Variants in CDYL observed in about 807,000 individuals in gnomAD.
The protein encoded by CDYL is chromodomain Y like.
CDYL carries 8 observed loss-of-function variants against 47.3 expected under a neutral mutation model. The ratio of observed to expected loss-of-function variants is 0.17; its 90% CI spans 0.10 to 0.31. CDYL has a LOEUF of 0.31. Ranked by LOEUF, CDYL falls within the 10% of genes least tolerant of loss-of-function variation. CDYL has a pLI of 1.00. For synonymous variants in CDYL, 266 were observed against 265.0 expected, an observed-to-expected ratio of 1.00 and a Z score of -0.04; for missense variants, 471 against 701.4, an observed-to-expected ratio of 0.67 and a Z score of 3.71.
upstream of CDYL, chr6:4,772,977 G>C (rs1187540687): frequency 2.7e-6 from 1 of 375,178 alleles, no homozygotes; most frequent in African/African-American, 2.1e-5. Context: ...AGGAAGACAT[G>C]CCTGGTTTGG....
intron 1 of CDYL, among the ~76,000 whole-genome samples, chr6:4,808,549 T>TGTA (rs946393300): frequency 2.0e-5 from 3 of 152,222 alleles, no homozygotes; most frequent in African/African-American, 7.2e-5. Flanking sequence ...GCCAGTGAAC[T>TGTA]GTAGCCCATG....
chr6:4,745,182 A>G (rs1040157569), intron 3 of CDYL, among the ~76,000 whole-genome samples: 1 of 152,118 alleles, frequency 6.6e-6, no homozygotes, highest in South Asian at 2.1e-4. Flanking sequence ...CTGGTCTTGA[A>G]TTACTGGCTT....
At position 4,763,170 on chromosome 6, in the gene CDYL, A is replaced by G. The variant is rs796850312; in HGVS notation, c.186+28326A>G. Among the ~76,000 whole-genome samples the G allele has an allele frequency of 1.1e-4, 16 of 152,352 alleles. No individual in the cohort carries two copies. In the South Asian group the frequency reaches 1.2e-3, roughly 12 times the overall value. On this transcript the variant is annotated intron_variant, in intron 3 of 8. Transcript: ENST00000328908. Reference sequence around the variant, plus strand: ...GTAAGAAAATTGCCACTGAAATTCTATACCAGCTGATATAGCCTTCCATAA... The same window carrying G: ...GTAAGAAAATTGCCACTGAAATTCTGTACCAGCTGATATAGCCTTCCATAA...
At chr6:4,877,513 G>A (rs1033213560) in intron 1 of CDYL, among the ~76,000 whole-genome samples, 67 of 152,066 alleles carry the variant, frequency 4.4e-4, no homozygotes, top group African/African-American at 1.4e-3. Context: ...TGTGTATATC[G>A]TAGTTTGTGG....
chr6:4,904,763 G>C (rs565097330), intron 2 of CDYL, among the ~76,000 whole-genome samples: 164 of 152,270 alleles, frequency 1.1e-3, no homozygotes, highest in African/African-American at 3.8e-3. Flanking sequence ...GAGAGGGAGC[G>C]TGTTGCCAGG....
At chr6:4,950,703 C>T (rs1052880004) in intron 5 of CDYL, among the ~76,000 whole-genome samples, 9 of 152,052 alleles carry the variant, frequency 5.9e-5, no homozygotes, top group African/African-American at 1.4e-4. Flanking sequence ...CCCAGGCGGG[C>T]GGATCACGAG....
At chr6:4,716,006 T>A in intron 2 of CDYL, 2 of 1,409,284 alleles carry the variant, frequency 1.4e-6, no homozygotes, top group Non-Finnish European at 1.9e-6. Flanking sequence ...CCCAGCACTT[T>A]GGGAGGCCGA....
chr6:4,935,744 C>T lies in CDYL; in HGVS notation c.921C>T (p.Ser307=). The T allele has an allele frequency of 2.5e-6, 4 of 1,614,256 alleles. No individual in the cohort carries two copies. In the South Asian group the frequency reaches 4.4e-5, roughly 18 times the overall value. The part of the protein sequence containing the change: ...GFTHILLSTK[S]SENNSLNPEV... ...CCCACATCTTGTTATCCACAAAGTC[C>T]TCAGAGAATAACTCACTAAATCCAG... The change falls in exon 3 of 7, where the codon TCC becomes TCT. Residue 307 remains serine (S), a synonymous_variant. Coordinates refer to ENST00000397588, the MANE Select transcript of CDYL (RefSeq NM_004824.4).
chr6:4,868,816 A>T (rs776231666), intron 1 of CDYL, among the ~76,000 whole-genome samples: 31 of 152,242 alleles, frequency 2.0e-4, no homozygotes, highest in African/African-American at 7.2e-4. Context: ...ACACACATTC[A>T]TAGTTATTAC....
chr6:4,832,955 ATTC>A (rs1482547796), intron 1 of CDYL, among the ~76,000 whole-genome samples: 1 of 151,810 alleles, frequency 6.6e-6, no homozygotes, highest in Non-Finnish European at 1.5e-5. Flanking sequence ...CGTCTATTTG[ATTC>A]TTCTTTTTTT....
chr6:4,725,558 CCCGGGGCTTGCTGGTGGACCTGCACCT>C (rs943683464), intron 2 of CDYL, among the ~76,000 whole-genome samples: 2 of 152,258 alleles, frequency 1.3e-5, no homozygotes, highest in Non-Finnish European at 2.9e-5. Context: ...CCTCTCACTG[CCCGGGGCTTGCTGGTGGACCTGCACCT>C]CCGGGGCTTG....
chr6:4,819,114 C>A (rs1469364474), intron 1 of CDYL, among the ~76,000 whole-genome samples: 1 of 116,044 alleles, frequency 8.6e-6, no homozygotes, highest in Non-Finnish European at 1.7e-5. Context: ...TTTTTAGGTT[C>A]GTTCTCTCTC....
At position 4,895,412 on chromosome 6, in the gene CDYL, C is replaced by CATATAT. The variant is rs1561693913; in HGVS notation, c.691+3033_691+3034insATATAT. Among the ~76,000 whole-genome samples, 18 of 3,642 alleles carry CATATAT rather than the reference C, an allele frequency of 4.9e-3. 9 individuals carry two copies. The highest frequency in any genetic ancestry group is 5.1e-3 in the African/African-American group (18 of 3,548). 2.4% of individuals were successfully genotyped at this position (3,642 alleles called of 152,430 possible). ...GCATATATGCATGTATACATGTATACGTATATATGCATGTATACATGTATA... is the reference window on the plus strand; with the variant it reads ...GCATATATGCATGTATACATGTATACATATATGTATATATGCATGTATACATGTATA... On this transcript the variant is annotated intron_variant, in intron 2 of 6. Coordinates refer to ENST00000397588, the MANE Select transcript of CDYL (RefSeq NM_004824.4).
At chr6:4,843,716 TCTC>T (rs1306861611) in intron 1 of CDYL, among the ~76,000 whole-genome samples, 1 of 152,126 alleles carries the variant, frequency 6.6e-6, no homozygotes, top group Non-Finnish European at 1.5e-5. Context: ...CTGAAGATTT[TCTC>T]CTTCCTATCT....
intron 1 of CDYL, among the ~76,000 whole-genome samples, chr6:4,840,362 T>A (rs1321405470): frequency 1.3e-5 from 2 of 152,204 alleles, no homozygotes; most frequent in African/African-American, 4.8e-5. Flanking sequence ...CGGTGACGGT[T>A]TGACTTCCTC....
intron 1 of CDYL, among the ~76,000 whole-genome samples, chr6:4,851,997 G>C (rs1444549815): frequency 6.6e-6 from 1 of 152,148 alleles, no homozygotes; most frequent in Non-Finnish European, 1.5e-5. Context: ...AACCAGGCCA[G>C]TTGCTTCTTG....
chr6:4,830,911 T>C (rs1471891579), intron 1 of CDYL, among the ~76,000 whole-genome samples: 1 of 152,160 alleles, frequency 6.6e-6, no homozygotes, highest in African/African-American at 2.4e-5. Flanking sequence ...GTTTCATCCA[T>C]GTCCCTACAA....
rs75584810 is a variant in CDYL, at chr6:4,797,709, C to A, written c.24+20902C>A. 3.8e-3 allele frequency among the ~76,000 whole-genome samples: 577 copies of A among 152,288 alleles called. 2 individuals carry two copies. Among genetic ancestry groups the A allele is most frequent in the Non-Finnish European group, 6.5e-3 (439 of 68,024 alleles). ...GAAACATACATTTTGTGTCTGACTT[C>A]TTTCACTTAGCAGAATGTTTCCAAG... On this transcript the variant is annotated intron_variant, in intron 1 of 6. Transcript: ENST00000397588.
Position 4,910,581 on chromosome 6 carries a change from A to G in CDYL, c.691+18202A>G, listed in dbSNP as rs1404760937. Among the ~76,000 whole-genome samples the G allele has an allele frequency of 1.3e-5, 2 of 152,236 alleles. 1 individual carries two copies. Among genetic ancestry groups the G allele is most frequent in the Non-Finnish European group, 2.9e-5 (2 of 68,046 alleles). On this transcript the variant is annotated intron_variant, in intron 2 of 6. Coordinates refer to ENST00000397588, the MANE Select transcript of CDYL (RefSeq NM_004824.4). ...AGCCAGTTGCACAAAAGGTTATAACATAAGGCAACAGGTAAGTGCTCTCAG... is the reference window on the plus strand; with the variant it reads ...AGCCAGTTGCACAAAAGGTTATAACGTAAGGCAACAGGTAAGTGCTCTCAG...
Sources: allele counts gnomAD v4.1 joint callset (sites outside exome capture counted in the v4.1 genomes callset), GRCh38; gene constraint gnomAD v4.1.1; transcripts MANE v1.5; gene names NCBI Gene and HGNC (gene_info 2026-07-23, HGNC 2026-07-21).